Variants in XKR5 observed in about 807,000 individuals in gnomAD.
XKR5 encodes XK related 5.
In XKR5, 46 loss-of-function variants were observed where a neutral mutation model predicts 40.8. That is an observed-to-expected ratio of 1.13 (90% confidence interval 0.89 to 1.44). XKR5 has a LOEUF of 1.44. XKR5 is among the 40% of genes most tolerant of loss of function. XKR5 has a pLI of 0.00. For synonymous variants in XKR5, 466 were observed against 356.1 expected (o/e 1.31, Z -3.48); for missense variants, 1,169 against 844.7 (o/e 1.38, Z -4.76).
intron 5 of XKR5, among the ~76,000 whole-genome samples, chr8:6,817,759 C>A (rs1367634696): frequency 6.6e-6 from 1 of 152,214 alleles, no homozygotes; most frequent in Admixed American, 6.5e-5. Flanking sequence ...TCCTCTATTA[C>A]CCAGAACTGT....
chr8:6,835,315 G>T (rs1391404865), intron 1 of XKR5, 121 bp downstream of exon 1: 1 of 1,027,280 alleles, frequency 9.7e-7, no homozygotes, highest in Non-Finnish European at 1.3e-6. Flanking sequence ...TCACCGGCGC[G>T]CAGTGCTGGG....
chr8:6,834,812 C>T (rs948438606), intron 1 of XKR5, among the ~76,000 whole-genome samples: 1 of 151,936 alleles, frequency 6.6e-6, no homozygotes, highest in Non-Finnish European at 1.5e-5. Flanking sequence ...TCTTGCTCCG[C>T]CGCGGCTGGC....
intron 6 of XKR5, among the ~76,000 whole-genome samples, chr8:6,812,626 G>A (rs1803786276): frequency 6.6e-6 from 1 of 152,220 alleles, no homozygotes; most frequent in Admixed American, 6.5e-5. Context: ...ATCTACGTGT[G>A]TGTGTGTGAG....
chr8:6,829,963 A>T (rs968971624), intron 2 of XKR5, among the ~76,000 whole-genome samples: 4 of 144,338 alleles, frequency 2.8e-5, no homozygotes, highest in Non-Finnish European at 6.0e-5. Context: ...TCAGCCTCCC[A>T]AGTAGCTGGG....
chr8:6,811,560 G>A lies in XKR5; in HGVS notation c.1699C>T (p.His567Tyr). The A allele has an allele frequency of 6.5e-7, 1 of 1,536,780 alleles. No homozygotes were observed. The highest frequency in any genetic ancestry group is 8.7e-7 in the Non-Finnish European group (1 of 1,146,592). The change falls in exon 7 of 7, where the codon CAC becomes TAC. Residue 567 changes from histidine to tyrosine, a missense_variant. By Grantham distance (83) the His-to-Tyr change is moderately conservative. Coordinates refer to ENST00000618742, the MANE Select transcript of XKR5 (RefSeq NM_207411.5). ...EGSPATLQTA[H>Y]SGRRLGKSSP... ...CTCTTTCCCAGCCTCCTTCCAGAGT[G>A]GGCCGTTTGCAGAGTAGCTGGGCTG...
At chr8:6,826,629 C>G (rs912925814) in intron 2 of XKR5, among the ~76,000 whole-genome samples, 38 of 152,274 alleles carry the variant, frequency 2.5e-4, no homozygotes, top group African/African-American at 9.1e-4. Flanking sequence ...ATATGAATTT[C>G]TTCAGCAGTG....
chr8:6,821,915 C>A lies in XKR5; in HGVS notation c.761G>T (p.Ser254Ile), dbSNP rs1231948840. 2 of 1,613,344 alleles carry A rather than the reference C, an allele frequency of 1.2e-6. No individual in the cohort carries two copies. The highest frequency in any genetic ancestry group is 1.7e-6 in the Non-Finnish European group (2 of 1,179,612). ...VGAVYILCYLSFWDSPSRNRM... is the reference protein window; with the variant it reads ...VGAVYILCYLIFWDSPSRNRM... ...ATTTCTAGAAGGGCTGTCCCAGAAG[C>A]TGAGGTAGCAGAGGATGTACACGGC... The change falls in exon 5 of 7, where the codon AGC becomes ATC. Residue 254 changes from serine (S) to isoleucine (I), a missense_variant. Coordinates refer to ENST00000618742, the MANE Select transcript of XKR5 (RefSeq NM_207411.5).
intron 1 of XKR5, among the ~76,000 whole-genome samples, chr8:6,834,176 A>G (rs1353829118): frequency 1.3e-5 from 2 of 152,202 alleles, no homozygotes; most frequent in Non-Finnish European, 2.9e-5. Flanking sequence ...GTGCGCTGGT[A>G]GAGGCACCGC....
intron 5 of XKR5, among the ~76,000 whole-genome samples, chr8:6,818,401 A>C (rs1050474533): frequency 6.6e-6 from 1 of 152,184 alleles, no homozygotes; most frequent in African/African-American, 2.4e-5. Flanking sequence ...CAGTGGCTGC[A>C]TGGATTTGCT....
rs375324985 is a variant in XKR5 at position 6,825,165 on chromosome 8, C to G, written c.427G>C (p.Gly143Arg). The change falls in exon 3 of 7, where the codon GGG (glycine) becomes CGG (arginine). Residue 143 changes from glycine to arginine, a missense_variant and splice_region_variant. Physicochemically the swap from Gly to Arg is moderately radical, Grantham distance 125. Coordinates refer to ENST00000618742, the MANE Select transcript of XKR5 (RefSeq NM_207411.5). ...GTGCTCTGTGGTGACAGTTACTCAC[C>G]TGGCACAATATCTGTGAAGTCTGAG... ...LASDFTDIVP[G>R]VSTLFSWSSL... 6.2e-7 allele frequency: 1 copy of G among 1,613,594 alleles called. No individual in the cohort carries two copies. Among genetic ancestry groups the G allele is most frequent in the Non-Finnish European group, 8.5e-7 (1 of 1,179,734 alleles).
intron 6 of XKR5, among the ~76,000 whole-genome samples, chr8:6,815,333 G>A (rs1376983176): frequency 2.0e-5 from 3 of 152,188 alleles, no homozygotes; most frequent in Non-Finnish European, 4.4e-5. Context: ...AGCTGGGCTT[G>A]AATCTCAGCT....
intron 2 of XKR5, among the ~76,000 whole-genome samples, chr8:6,831,153 A>G (rs1363714275): frequency 6.6e-6 from 1 of 152,194 alleles, no homozygotes; most frequent in Non-Finnish European, 1.5e-5. Context: ...GCCAAGTAAG[A>G]CCCAGAGCCC....
intron 2 of XKR5, among the ~76,000 whole-genome samples, chr8:6,829,826 CTTTTTTTTTTTTTTT>C (rs140715953): frequency 4.7e-5 from 3 of 63,528 alleles, no homozygotes; most frequent in Non-Finnish European, 5.3e-5. Context: ...CAAATTCTTG[CTTTTTTTTTTTTTTT>C]TTTTTTTTTT....
Position 6,835,427 on chromosome 8 carries a change from C to A in XKR5, c.58+9G>T. On this transcript the variant is annotated intron_variant, in intron 1 of 6. Transcript: ENST00000618742. ...AGGGGTGAGCACAGCCTCGGGCTGC[C>A]GCACTCACGCGCGCTCTGCTCGGCC... 6.8e-7 allele frequency: 1 copy of A among 1,477,850 alleles called. No homozygotes were observed. The allele number at this position is 1,477,850 out of a possible 1,614,324, so 91.5% of individuals were successfully genotyped here.
intron 2 of XKR5, among the ~76,000 whole-genome samples, chr8:6,831,593 A>G (rs951618107): frequency 1.9e-4 from 29 of 151,948 alleles, no homozygotes; most frequent in African/African-American, 6.3e-4. Context: ...GCAGGCATAA[A>G]CCCCTAGGAC....
At chr8:6,813,839 C>A (rs1252070883) in intron 6 of XKR5, among the ~76,000 whole-genome samples, 2 of 152,220 alleles carry the variant, frequency 1.3e-5, no homozygotes, top group East Asian at 1.9e-4. Flanking sequence ...GGAAGGAAAC[C>A]AGGCATCCAC....
At chr8:6,818,248 G>T (rs1290581301) in intron 5 of XKR5, among the ~76,000 whole-genome samples, 1 of 152,214 alleles carries the variant, frequency 6.6e-6, no homozygotes, top group Non-Finnish European at 1.5e-5. Context: ...AAACGTTCTA[G>T]CGCCGTCCAC....
At chr8:6,833,726 C>G (rs976825556) in intron 1 of XKR5, among the ~76,000 whole-genome samples, 1 of 152,094 alleles carries the variant, frequency 6.6e-6, no homozygotes, top group Non-Finnish European at 1.5e-5. Context: ...CAAAACAAAA[C>G]AAAACAGTAA....
At position 6,825,246 on chromosome 8, in the gene XKR5, C is replaced by T. The variant is rs1358066666; in HGVS notation, c.346G>A (p.Glu116Lys). ...TGGGGCCCAGTCTGCAGCAGGGCCT[C>T]CAAGAGTCGAAGGGCCGACAGGTCG... ...EADLSALRLLEALLQTGPHLL... is the reference protein window; with the variant it reads ...EADLSALRLLKALLQTGPHLL... Residue 116 changes from glutamate to lysine, a missense_variant, in exon 3 of 7, where the codon GAG (glutamate) becomes AAG (lysine). Glu to Lys is a moderately conservative substitution (Grantham distance 56). Coordinates refer to ENST00000618742, the MANE Select transcript of XKR5 (RefSeq NM_207411.5). The T allele has an allele frequency of 1.2e-6, 2 of 1,612,212 alleles. No individual in the cohort carries two copies. The highest frequency in any genetic ancestry group is 1.1e-5 in the South Asian group (1 of 90,790).
Sources: gnomAD v4.1 joint callset for allele counts (sites outside exome capture counted in the v4.1 genomes callset) on GRCh38, gnomAD v4.1.1 for gene constraint, MANE v1.5 for transcripts, NCBI Gene and HGNC (gene_info 2026-07-23, HGNC 2026-07-21) for gene names.